Variants in CSMD3 observed in about 807,000 individuals in gnomAD.
The protein encoded by CSMD3 is CUB and sushi domain-containing protein 3.
A neutral mutation model predicts 435.2 loss-of-function variants in CSMD3; 177 were observed. The observed-to-expected ratio is 0.41, with a 90% CI of 0.36 to 0.46. The LOEUF (loss-of-function observed/expected upper bound fraction) is 0.46. CSMD3 is among the 20% of genes least tolerant of loss of function. CSMD3 has a pLI of 0.34. For synonymous variants in CSMD3, 1,656 were observed against 1,520.5 expected (o/e 1.09, Z -2.07); for missense variants, 4,265 against 4,504.6 (o/e 0.95, Z 1.52).
In CSMD3 at chr8:112,301,863, C is replaced by A. The variant is rs2130758069; in HGVS notation, c.8370G>T (p.Met2790Ile). The A allele has an allele frequency of 6.2e-7, 1 of 1,613,824 alleles. No individual in the cohort carries two copies. The highest frequency in any genetic ancestry group is 8.5e-7 in the Non-Finnish European group (1 of 1,179,806). Residue 2790 changes from methionine (M) to isoleucine (I), a missense_variant, in exon 53 of 71, where the codon ATG (methionine) becomes ATT (isoleucine). Met to Ile is a conservative substitution (Grantham distance 10). Around this residue, in one of 3 missense-constraint regions of CSMD3, gnomAD observed 3,255 missense variants for 3,380.2 expected, o/e 0.96. Coordinates refer to ENST00000297405, the MANE Select transcript of CSMD3 (RefSeq NM_198123.2). ...TAIFTCDLGF[M>I]LVGSAVRECL... ...ATTCCCTTACAGCAGAGCCCACAAG[C>A]ATGAATCCCAAGTCGCAGGTAAAGA...
At chr8:113,384,845 C>T (rs1419809964) in intron 1 of CSMD3, among the ~76,000 whole-genome samples, 1 of 152,148 alleles carries the variant, frequency 6.6e-6, no homozygotes, top group Admixed American at 6.6e-5. Context: ...TGGAAAGTCA[C>T]CTGACAAAGA....
At chr8:112,648,938 T>C (rs1042193095) in intron 19 of CSMD3, among the ~76,000 whole-genome samples, 1 of 152,170 alleles carries the variant, frequency 6.6e-6, no homozygotes, top group African/African-American at 2.4e-5. Flanking sequence ...CTAGTTTAGA[T>C]ATGGATGAAT....
rs2130990684 is a variant in CSMD3, at chr8:112,517,239, G to A, written c.4565-14C>T. Reference sequence around the variant, plus strand: ...TGGCAACAGAACCTATCAAAAGACAGAGACAAAATTTTAGTTTTGATAACT... The same window carrying A: ...TGGCAACAGAACCTATCAAAAGACAAAGACAAAATTTTAGTTTTGATAACT... On this transcript the variant is annotated splice_polypyrimidine_tract_variant and intron_variant, in intron 27 of 70. Transcript: ENST00000297405. 6 of 1,609,836 alleles carry A rather than the reference G, an allele frequency of 3.7e-6. No homozygotes were observed. The highest frequency in any genetic ancestry group is 5.1e-6 in the Non-Finnish European group (6 of 1,177,130).
rs546973809 is a variant in CSMD3, at chr8:112,435,706, C to G, written c.5396-26674G>C. ...CTAAGACAAAAACACAGATGGGGCACATTTTTTAACTTGTATACTTTCAAG... is the reference window on the plus strand; with the variant it reads ...CTAAGACAAAAACACAGATGGGGCAGATTTTTTAACTTGTATACTTTCAAG... On this transcript the variant is annotated intron_variant, in intron 32 of 70. Coordinates refer to ENST00000297405, the MANE Select transcript of CSMD3 (RefSeq NM_198123.2). Among the ~76,000 whole-genome samples the G allele has an allele frequency of 1.4e-3, 219 of 152,076 alleles. 1 individual carries two copies. Among genetic ancestry groups the G allele is most frequent in the African/African-American group, 4.8e-3 (198 of 41,542 alleles).
intron 13 of CSMD3, among the ~76,000 whole-genome samples, chr8:112,777,162 G>A (rs1008178187): frequency 1.1e-4 from 16 of 151,758 alleles, no homozygotes; most frequent in African/African-American, 3.9e-4. Flanking sequence ...TTACAAATAC[G>A]TGTTATTGAT....
chr8:112,966,672 T>C (rs2084429974), intron 7 of CSMD3, among the ~76,000 whole-genome samples: 1 of 151,744 alleles, frequency 6.6e-6, no homozygotes, highest in Non-Finnish European at 1.5e-5. Flanking sequence ...AAATTTGACT[T>C]GGTGTTGATT....
chr8:112,501,351 C>T (rs1821935014), intron 30 of CSMD3, among the ~76,000 whole-genome samples: 1 of 150,060 alleles, frequency 6.7e-6, no homozygotes, highest in Non-Finnish European at 1.5e-5. Context: ...CTGAGATCAC[C>T]GCTGCACTCC....
rs775487772 is a variant in CSMD3, at chr8:112,228,809, C to T, written c.10911G>A (p.Val3637=). Residue 3637 remains valine (V), a synonymous_variant, in exon 70 of 71, where the codon GTG becomes GTA. Coordinates refer to ENST00000297405, the MANE Select transcript of CSMD3 (RefSeq NM_198123.2). ...NSSSVAIAIL[V]PFFALIFAGF... Reference sequence around the variant, plus strand: ...CTGCAAATATAAGTGCAAAAAAAGGCACAAGAATAGCAATGGCTACAGAAC... The same window carrying T: ...CTGCAAATATAAGTGCAAAAAAAGGTACAAGAATAGCAATGGCTACAGAAC... 6.3e-7 allele frequency: 1 copy of T among 1,591,510 alleles called. No homozygotes were observed. Among genetic ancestry groups the T allele is most frequent in the South Asian group, 1.1e-5 (1 of 90,586 alleles).
rs754078265 is a variant in CSMD3 at position 112,224,780 on chromosome 8, T to C, written c.11115A>G (p.Thr3705=). ...RFDPNLNTVC[T]MV is the part of the protein sequence containing the mutation. ...GGCAAAGGTTGCCTCGTTATACCAT[T>C]GTGCAAACCGTGTTCAAGTTGGGAT... Residue 3705 remains threonine (T), a synonymous_variant, in exon 71 of 71, where the codon ACA becomes ACG. Transcript: ENST00000297405. 4.3e-6 allele frequency: 7 copies of C among 1,613,954 alleles called. No homozygotes were observed. The East Asian group carries it at 1.1e-4, about 26-fold the overall frequency.
chr8:112,271,880 C>A (rs1817559204), intron 59 of CSMD3, among the ~76,000 whole-genome samples: 1 of 152,136 alleles, frequency 6.6e-6, no homozygotes, highest in Non-Finnish European at 1.5e-5. Flanking sequence ...CTAATTTAAT[C>A]CCCAATTCCA....
chr8:112,300,748 T>C (rs1820842454), intron 53 of CSMD3, among the ~76,000 whole-genome samples: 1 of 152,152 alleles, frequency 6.6e-6, no homozygotes, highest in African/African-American at 2.4e-5. Flanking sequence ...AGCATAACTA[T>C]TAACAAATGT....
chr8:112,485,882 T>G (rs1038265381), intron 31 of CSMD3, among the ~76,000 whole-genome samples: 1 of 152,038 alleles, frequency 6.6e-6, no homozygotes, highest in Non-Finnish European at 1.5e-5. Context: ...CTTAACATAT[T>G]TGTGTTTAGG....
At chr8:112,229,235 G>A (rs1812860683) in intron 69 of CSMD3, among the ~76,000 whole-genome samples, 1 of 152,100 alleles carries the variant, frequency 6.6e-6, no homozygotes, top group Non-Finnish European at 1.5e-5. Context: ...AATTCTGGAG[G>A]ATATACAACA....
At chr8:113,362,158 CA>C (rs2094281586) in intron 1 of CSMD3, among the ~76,000 whole-genome samples, 1 of 151,814 alleles carries the variant, frequency 6.6e-6, no homozygotes, top group African/African-American at 2.4e-5. Flanking sequence ...TATTTTGATT[CA>C]AAAAAATTAC....
intron 3 of CSMD3, among the ~76,000 whole-genome samples, chr8:113,210,647 G>T (rs963212894): frequency 3.9e-5 from 6 of 152,040 alleles, no homozygotes; most frequent in Non-Finnish European, 8.8e-5. Flanking sequence ...GGAGGCTGAG[G>T]TGGGCCGGTC....
At chr8:112,408,782 G>GAAA in intron 33 of CSMD3, 137 bp downstream of exon 33, 1 of 1,217,386 alleles carries the variant, frequency 8.2e-7, no homozygotes, top group South Asian at 1.6e-5. Flanking sequence ...CTATTCTTTA[G>GAAA]AAAAAAAAAA....
chr8:112,387,915 T>C (rs1830116345), intron 36 of CSMD3, among the ~76,000 whole-genome samples: 3 of 152,218 alleles, frequency 2.0e-5, no homozygotes, highest in Admixed American at 2.0e-4. Context: ...CTGTGCAGCA[T>C]GTACTTCCAC....
chr8:113,189,971 ATT>A (rs1564408187), intron 3 of CSMD3, among the ~76,000 whole-genome samples: 1 of 151,816 alleles, frequency 6.6e-6, no homozygotes, highest in Non-Finnish European at 1.5e-5. Context: ...AATAATATGT[ATT>A]CTTTTATTTT....
At chr8:112,755,352 T>TAATAATAATAAC (rs2077672347) in intron 13 of CSMD3, among the ~76,000 whole-genome samples, 1 of 88,584 alleles carries the variant, frequency 1.1e-5, no homozygotes, top group Non-Finnish European at 2.2e-5. Flanking sequence ...ATAATAATAA[T>TAATAATAATAAC]AATAATAATA....
Sources: allele counts gnomAD v4.1 joint callset (sites outside exome capture counted in the v4.1 genomes callset), GRCh38; gene constraint gnomAD v4.1.1; regional missense constraint gnomAD v4.1.1; transcripts MANE v1.5; gene names NCBI Gene and HGNC (gene_info 2026-07-23, HGNC 2026-07-21).